Variants in ADGRB3 observed in about 807,000 individuals in gnomAD.
The protein encoded by ADGRB3 is brain-specific angiogenesis inhibitor 3.
Under a neutral mutation model 193.4 loss-of-function variants are expected in ADGRB3, and 37 were observed. That is an observed-to-expected ratio of 0.19 (90% CI 0.15 to 0.25). ADGRB3 has a LOEUF of 0.25. ADGRB3 is among the 10% of genes least tolerant of loss of function. The pLI, the probability that ADGRB3 is intolerant of heterozygous loss-of-function variation, is 1.00. For missense variants in ADGRB3, 1,637 were observed against 1,852.9 expected (o/e 0.88, Z 2.14); for synonymous variants, 690 against 644.2 (o/e 1.07, Z -1.08).
At chr6:69,148,669 C>T (rs72921224) in intron 17 of ADGRB3, among the ~76,000 whole-genome samples, 6,772 of 152,138 alleles carry the variant, frequency 0.045, 199 homozygotes, top group Non-Finnish European at 0.065. Flanking sequence ...GATCAATGTC[C>T]TTTTCTTTTA....
At chr6:69,189,973 G>A (rs950078109) in intron 17 of ADGRB3, among the ~76,000 whole-genome samples, 5 of 152,066 alleles carry the variant, frequency 3.3e-5, no homozygotes, top group Non-Finnish European at 7.4e-5. Context: ...CCTAGTGCAA[G>A]GCAGTATGTG....
At chr6:69,334,102 A>G (rs901143299) in intron 24 of ADGRB3, among the ~76,000 whole-genome samples, 4 of 151,908 alleles carry the variant, frequency 2.6e-5, no homozygotes, top group Non-Finnish European at 5.9e-5. Flanking sequence ...TTATCATATA[A>G]ATTTGTTGAC....
chr6:68,791,694 G>T (rs905158627), intron 3 of ADGRB3, among the ~76,000 whole-genome samples: 1 of 152,122 alleles, frequency 6.6e-6, no homozygotes, highest in African/African-American at 2.4e-5. Flanking sequence ...CCTCTAAAAA[G>T]ATCTTCTTGA....
chr6:68,921,321 A>T (rs1047500806), intron 3 of ADGRB3, among the ~76,000 whole-genome samples: 10 of 152,222 alleles, frequency 6.6e-5, no homozygotes, highest in Admixed American at 3.3e-4. Flanking sequence ...ACAGAAAAAG[A>T]TGTAGCAGAC....
At position 68,657,462 on chromosome 6, in the gene ADGRB3, CA is replaced by C. The variant is rs1768517318; in HGVS notation, c.757+18034del. Among the ~76,000 whole-genome samples, 2 of 151,250 alleles carry C rather than the reference CA, an allele frequency of 1.3e-5. 1 individual carries two copies. Among genetic ancestry groups the C allele is most frequent in the South Asian group, 4.1e-4 (2 of 4,822 alleles). On this transcript the variant is annotated intron_variant, in intron 3 of 31. Transcript: ENST00000370598. ...ATATGGAAACGTGTTAACAGAGCTT[CA>C]AAATTTTATGCTATGTTTTTGAATC...
intron 3 of ADGRB3, among the ~76,000 whole-genome samples, chr6:68,788,983 C>CT (rs1000129856): frequency 3.3e-5 from 5 of 152,050 alleles, no homozygotes; most frequent in African/African-American, 1.2e-4. Flanking sequence ...CAAACCCTGC[C>CT]TTTTTTTGTT....
chr6:69,022,529 G>A (rs932168132), intron 13 of ADGRB3, among the ~76,000 whole-genome samples: 1 of 151,526 alleles, frequency 6.6e-6, no homozygotes, highest in African/African-American at 2.4e-5. Flanking sequence ...TTATCTTTCT[G>A]AAGCTCCTAT....
At chr6:68,873,479 T>C (rs762994718) in intron 3 of ADGRB3, among the ~76,000 whole-genome samples, 1 of 152,108 alleles carries the variant, frequency 6.6e-6, no homozygotes, top group Non-Finnish European at 1.5e-5. Context: ...ATAACAGATG[T>C]GATTTCTATA....
At chr6:68,638,617 CG>C in intron 2 of ADGRB3, 43 bp from the exon 3 acceptor site, 1 of 1,505,846 alleles carries the variant, frequency 6.6e-7, no homozygotes, top group Non-Finnish European at 9.0e-7. Flanking sequence ...TCTCAATGCA[CG>C]TAGACTCCTA....
chr6:69,349,485 C>A (rs926859735), intron 26 of ADGRB3, among the ~76,000 whole-genome samples: 1 of 140,982 alleles, frequency 7.1e-6, no homozygotes, highest in South Asian at 2.2e-4. Flanking sequence ...ACTTTGCTAT[C>A]AGCAAAGTCA....
chr6:68,768,404 A>G (rs1469389150), intron 3 of ADGRB3, among the ~76,000 whole-genome samples: 1 of 152,190 alleles, frequency 6.6e-6, no homozygotes, highest in Non-Finnish European at 1.5e-5. Flanking sequence ...CAACCATCTG[A>G]TCTTTGACAA....
intron 3 of ADGRB3, among the ~76,000 whole-genome samples, chr6:68,669,383 C>G (rs1247793365): frequency 6.6e-6 from 1 of 151,820 alleles, no homozygotes; most frequent in Non-Finnish European, 1.5e-5. Flanking sequence ...GCATCTACCC[C>G]TCAATCCCCC....
At chr6:69,333,363 C>T (rs1266403589) in intron 24 of ADGRB3, among the ~76,000 whole-genome samples, 1 of 152,058 alleles carries the variant, frequency 6.6e-6, no homozygotes, top group Non-Finnish European at 1.5e-5. Flanking sequence ...AGATTGAACA[C>T]AGTGTTGGTA....
intron 3 of ADGRB3, among the ~76,000 whole-genome samples, chr6:68,910,874 G>C (rs1212134037): frequency 6.6e-6 from 1 of 152,134 alleles, no homozygotes; most frequent in Non-Finnish European, 1.5e-5. Flanking sequence ...GCTTAGGATT[G>C]ACTTGGCAAT....
intron 3 of ADGRB3, among the ~76,000 whole-genome samples, chr6:68,784,686 G>C (rs909042798): frequency 6.6e-6 from 1 of 151,994 alleles, no homozygotes; most frequent in Admixed American, 6.6e-5. Flanking sequence ...ATGCTGCAAG[G>C]TGCTTTAAAG....
At chr6:69,375,566 A>G (rs927163798) in intron 30 of ADGRB3, among the ~76,000 whole-genome samples, 2 of 152,080 alleles carry the variant, frequency 1.3e-5, no homozygotes, top group African/African-American at 4.8e-5. Flanking sequence ...GGTGAGTTCC[A>G]TTTTAATATT....
intron 17 of ADGRB3, among the ~76,000 whole-genome samples, chr6:69,154,445 G>C (rs2128292): frequency 0.36 from 54,980 of 151,894 alleles, 10,439 homozygotes; most frequent in Middle Eastern, 0.45. Context: ...TTTACCTTCT[G>C]TACCTCTGCC....
intron 20 of ADGRB3, among the ~76,000 whole-genome samples, chr6:69,258,442 C>T (rs528620217): frequency 6.6e-5 from 10 of 152,108 alleles, no homozygotes; most frequent in South Asian, 2.1e-4. Context: ...AAGTGAAGAA[C>T]GGTTGGGAAT....
At chr6:68,916,649 G>T (rs527442765) in intron 3 of ADGRB3, among the ~76,000 whole-genome samples, 10 of 152,260 alleles carry the variant, frequency 6.6e-5, no homozygotes, top group African/African-American at 2.4e-4. Flanking sequence ...AGTCGGGAAG[G>T]GTCTCTTGAA....
Sources: gnomAD v4.1 joint callset for allele counts (sites outside exome capture counted in the v4.1 genomes callset) on GRCh38, gnomAD v4.1.1 for gene constraint, MANE v1.5 for transcripts, NCBI Gene and HGNC (gene_info 2026-07-23, HGNC 2026-07-21) for gene names.